TAFA5: variants seen among roughly 807,000 people sequenced by gnomAD.
TAFA5 encodes TAFA chemokine like family member 5.
A neutral mutation model predicts 15.3 loss-of-function variants in TAFA5; 6 were observed. The observed-to-expected ratio is 0.39, with a 90% confidence interval of 0.21 to 0.77. The LOEUF (loss-of-function observed/expected upper bound fraction) is 0.77. Ranked by LOEUF, TAFA5 falls within the 30% of genes least tolerant of loss-of-function variation. The pLI is 0.41. For synonymous variants in TAFA5, 103 were observed against 80.7 expected (o/e 1.28, Z -1.48); for missense variants, 161 against 193.1 (o/e 0.83, Z 0.98).
At chr22:48,748,852 G>A (rs1374914853) in intron 3 of TAFA5, among the ~76,000 whole-genome samples, 2 of 152,210 alleles carry the variant, frequency 1.3e-5, no homozygotes, top group Non-Finnish European at 2.9e-5. Flanking sequence ...CCTAACCCAG[G>A]TGGGCAGGTG....
Position 48,614,487 on chromosome 22 carries a change from C to T in TAFA5, c.113-32110C>T, listed in dbSNP as rs372100065. ...TTGCTGGTTTCAAAGCTGAAAATCC[C>T]GCCTTGTACCAACCCCTAAGTCCCG... On this transcript the variant is annotated intron_variant, in intron 1 of 3. Coordinates refer to ENST00000402357, the MANE Select transcript of TAFA5 (RefSeq NM_001082967.3). Among the ~76,000 whole-genome samples the T allele has an allele frequency of 2.6e-4, 39 of 152,330 alleles. 1 individual carries two copies. The East Asian group carries it at 4.2e-3, about 17-fold the overall frequency.
chr22:48,508,523 T>C (rs57486908), intron 1 of TAFA5, among the ~76,000 whole-genome samples: 2,672 of 152,304 alleles, frequency 0.018, 106 homozygotes, highest in East Asian at 0.16. Flanking sequence ...CTGCAGCCAC[T>C]TGGTGTCCCA....
rs1032020499 is a variant in TAFA5, at chr22:48,550,594, C to T, written c.112+60890C>T. ...CCTACCCTCATCCCACGGTTCCTAG[C>T]AGGTTCCATCGCCTTCCGCACTTGA... On this transcript the variant is annotated intron_variant, in intron 1 of 3. Coordinates refer to ENST00000402357, the MANE Select transcript of TAFA5 (RefSeq NM_001082967.3). This position sits in a 1 kb window ranked among gnomAD's most constrained non-coding sequence, Gnocchi z 4.1. Among the ~76,000 whole-genome samples, 2 of 152,166 alleles carry T rather than the reference C, an allele frequency of 1.3e-5. No homozygotes were observed. The highest frequency in any genetic ancestry group is 4.8e-5 in the African/African-American group (2 of 41,444).
chr22:48,730,967 C>T (rs756442652), intron 3 of TAFA5, among the ~76,000 whole-genome samples: 1 of 152,164 alleles, frequency 6.6e-6, no homozygotes, highest in South Asian at 2.1e-4. Flanking sequence ...GAAGGCGTGT[C>T]GAAAGCTGAG....
chr22:48,514,337 A>G (rs990806014), intron 1 of TAFA5, among the ~76,000 whole-genome samples: 4 of 152,210 alleles, frequency 2.6e-5, no homozygotes, highest in Non-Finnish European at 5.9e-5. Context: ...GATTATTTTT[A>G]TATTACAATC....
In TAFA5 at chr22:48,733,746, A is replaced by G. The variant is rs904564018; in HGVS notation, c.391-16093A>G. 2.0e-5 allele frequency among the ~76,000 whole-genome samples: 3 copies of G among 152,024 alleles called. No homozygotes were observed. In the East Asian group the frequency reaches 5.8e-4, roughly 29 times the overall value. ...TCAGCAAACTCCAGCCTGCAGGCCAAATCAGGCCCATCCGTTCGTGTGTTC... is the reference window on the plus strand; with the variant it reads ...TCAGCAAACTCCAGCCTGCAGGCCAGATCAGGCCCATCCGTTCGTGTGTTC... On this transcript the variant is annotated intron_variant, in intron 3 of 3. Transcript: ENST00000402357.
At chr22:48,622,085 C>A (rs1310649085) in intron 1 of TAFA5, among the ~76,000 whole-genome samples, 1 of 152,178 alleles carries the variant, frequency 6.6e-6, no homozygotes, top group Non-Finnish European at 1.5e-5. Flanking sequence ...AACACACCTT[C>A]CCTTCTCCTG....
intron 1 of TAFA5, among the ~76,000 whole-genome samples, chr22:48,537,538 A>G (rs961102672): frequency 2.6e-5 from 4 of 152,212 alleles, no homozygotes; most frequent in Non-Finnish European, 4.4e-5. Flanking sequence ...TGGCCTCTCA[A>G]TCCCAGCCCA....
chr22:48,514,977 T>C (rs1921353492), intron 1 of TAFA5, among the ~76,000 whole-genome samples: 1 of 152,244 alleles, frequency 6.6e-6, no homozygotes, highest in Admixed American at 6.5e-5. Flanking sequence ...GGCACGGGCC[T>C]CCCAGCCAGC....
chr22:48,589,286 G>T (rs1189434832), intron 1 of TAFA5, among the ~76,000 whole-genome samples: 1 of 152,224 alleles, frequency 6.6e-6, no homozygotes, highest in East Asian at 1.9e-4. Flanking sequence ...AGGTCTCATG[G>T]GATCATTTAT....
chr22:48,726,849 G>A (rs1929730774), intron 3 of TAFA5, among the ~76,000 whole-genome samples: 1 of 152,200 alleles, frequency 6.6e-6, no homozygotes, highest in Admixed American at 6.5e-5. Context: ...CCCGGATCTG[G>A]AGCCTCAATC....
At chr22:48,651,001 C>A (rs751666158) in intron 2 of TAFA5, among the ~76,000 whole-genome samples, 25 of 152,252 alleles carry the variant, frequency 1.6e-4, no homozygotes, top group Non-Finnish European at 3.2e-4. Flanking sequence ...CCGAGTCCAG[C>A]GCTCACCCAG....
intron 1 of TAFA5, among the ~76,000 whole-genome samples, chr22:48,584,396 C>T (rs987778578): frequency 1.3e-5 from 2 of 150,222 alleles, no homozygotes; most frequent in African/African-American, 4.9e-5. Flanking sequence ...CAGTACACAC[C>T]ACACACATAG....
In TAFA5 at chr22:48,628,362, C is replaced by T. The variant is rs565922116; in HGVS notation, c.113-18235C>T. Reference sequence around the variant, plus strand: ...CCAGCCCCTCCTGCTTCCTGGTCATCGCCCCCTTTGCCTCTGGAGTGTGGC... The same window carrying T: ...CCAGCCCCTCCTGCTTCCTGGTCATTGCCCCCTTTGCCTCTGGAGTGTGGC... On this transcript the variant is annotated intron_variant, in intron 1 of 3. Transcript: ENST00000402357. 6.6e-5 allele frequency among the ~76,000 whole-genome samples: 10 copies of T among 152,338 alleles called. 1 individual carries two copies. The South Asian group carries it at 1.9e-3, about 28-fold the overall frequency.
At chr22:48,528,492 C>T (rs1238523464) in intron 1 of TAFA5, among the ~76,000 whole-genome samples, 1 of 152,164 alleles carries the variant, frequency 6.6e-6, no homozygotes, top group Non-Finnish European at 1.5e-5. Flanking sequence ...AGCCCTGCCA[C>T]ACTCCTTCAC....
At chr22:48,636,863 G>A (rs1014514421) in intron 1 of TAFA5, among the ~76,000 whole-genome samples, 1 of 152,234 alleles carries the variant, frequency 6.6e-6, no homozygotes, top group African/African-American at 2.4e-5. Context: ...TGTGCCCAAG[G>A]AGGACAGCCT....
chr22:48,706,147 C>T (rs1929071961), intron 2 of TAFA5, among the ~76,000 whole-genome samples: 1 of 152,196 alleles, frequency 6.6e-6, no homozygotes, highest in African/African-American at 2.4e-5. Flanking sequence ...CTCTGCAGGG[C>T]TGGCAACTGA....
intron 1 of TAFA5, among the ~76,000 whole-genome samples, chr22:48,532,061 C>T (rs551691053): frequency 2.2e-4 from 33 of 152,354 alleles, no homozygotes; most frequent in African/African-American, 7.2e-4. Context: ...GGCTCTCTCC[C>T]GAGCCCTGCT....
intron 2 of TAFA5, among the ~76,000 whole-genome samples, chr22:48,702,676 C>T (rs952572197): frequency 6.6e-5 from 10 of 152,238 alleles, no homozygotes; most frequent in Non-Finnish European, 1.0e-4. Context: ...CCTCAGGAAG[C>T]TCTGTCAGCC....
Sources: allele counts gnomAD v4.1 joint callset (sites outside exome capture counted in the v4.1 genomes callset), GRCh38; gene constraint gnomAD v4.1.1; non-coding constraint Gnocchi (gnomAD v3.1); transcripts MANE v1.5; gene names NCBI Gene and HGNC (gene_info 2026-07-23, HGNC 2026-07-21).